RPE: variants seen among roughly 807,000 people sequenced by gnomAD.
RPE encodes the protein ribulose-5-phosphate-3-epimerase.
A neutral mutation model predicts 24.6 loss-of-function variants in RPE; 16 were observed. That is an observed-to-expected ratio of 0.65 (90% CI 0.44 to 0.99). The LOEUF (loss-of-function observed/expected upper bound fraction) is 0.99, where lower values mean the gene tolerates loss of function less well. Ranked by LOEUF, RPE falls within the 50% of genes least tolerant of loss-of-function variation. The pLI is 0.00. For synonymous variants in RPE, 93 were observed against 98.4 expected, an observed-to-expected ratio of 0.94 and a Z score of 0.33; for missense variants, 240 against 294.5, an observed-to-expected ratio of 0.81 and a Z score of 1.35.
chr2:210,006,445 A>G (rs1273055341), intron 1 of RPE, among the ~76,000 whole-genome samples: 2 of 152,140 alleles, frequency 1.3e-5, no homozygotes, highest in African/African-American at 4.8e-5. Context: ...TTCTTCCAAT[A>G]TACTTCGTGA....
In RPE at chr2:210,019,704, T is replaced by G. The variant is rs769614824; in HGVS notation, c.600T>G (p.Ile200Met). 1.4e-5 allele frequency: 23 copies of G among 1,613,456 alleles called. No homozygotes were observed. Among genetic ancestry groups the G allele is most frequent in the Non-Finnish European group, 1.7e-5 (20 of 1,179,486 alleles). ...ACATGATTGTGTCTGGCAGTGCTAT[T>G]ATGAGGAGTGAAGACCCCAGATCTG... ...GANMIVSGSA[I>M]MRSEDPRSVI... is the part of the protein sequence containing the mutation. Residue 200 changes from isoleucine (I) to methionine (M), a missense_variant, in exon 6 of 6, where the codon ATT becomes ATG. Coordinates refer to ENST00000359429, the MANE Select transcript of RPE (RefSeq NM_199229.3).
chr2:210,018,390 T>A (rs1361650663), intron 5 of RPE: 1 of 985,124 alleles, frequency 1.0e-6, no homozygotes, highest in Non-Finnish European at 1.2e-6. Context: ...TAAAAACTTT[T>A]TTTTACTTTT....
intron 1 of RPE, 126 bp downstream of exon 1, chr2:210,002,909 G>C (rs1413820147): frequency 6.4e-7 from 1 of 1,563,206 alleles, no homozygotes; most frequent in Non-Finnish European, 8.7e-7. Flanking sequence ...CGCGATGCTA[G>C]AAGGGGTGTG....
At chr2:210,007,910 A>G (rs978067532) in intron 1 of RPE, among the ~76,000 whole-genome samples, 5 of 152,102 alleles carry the variant, frequency 3.3e-5, no homozygotes, top group African/African-American at 1.2e-4. Flanking sequence ...TCCATTCTGT[A>G]AGGGCTTTGT....
intron 2 of RPE, 48 bp from the exon 3 acceptor site, chr2:210,015,925 T>C (rs534318851): frequency 6.3e-7 from 1 of 1,598,736 alleles, no homozygotes. Context: ...TCCAATAACA[T>C]GAGCCAGGTA....
chr2:210,008,866 T>C (rs2093665480), intron 1 of RPE, among the ~76,000 whole-genome samples: 1 of 152,012 alleles, frequency 6.6e-6, no homozygotes, highest in African/African-American at 2.4e-5. Flanking sequence ...CAGCTAATTT[T>C]TGTATTTTTA....
rs781573886 is a variant in RPE, at chr2:210,020,034, G to A, written c.*243G>A. 1 of 326,112 alleles carries A rather than the reference G, an allele frequency of 3.1e-6. No homozygotes were observed. Among genetic ancestry groups the A allele is most frequent in the Non-Finnish European group, 5.7e-6 (1 of 176,736 alleles). 20.2% of individuals were successfully genotyped at this position (326,112 alleles called of 1,614,324 possible). Reference sequence around the variant, plus strand: ...AGATACTGTTTTTATTGAGAGATTTGATTTTTATAAAGTAAAAATACGGCT... The same window carrying A: ...AGATACTGTTTTTATTGAGAGATTTAATTTTTATAAAGTAAAAATACGGCT... On this transcript the variant is annotated 3_prime_UTR_variant, in exon 6 of 6. Transcript: ENST00000359429.
chr2:210,013,627 T>C (rs1160485847), intron 2 of RPE, among the ~76,000 whole-genome samples: 1 of 152,186 alleles, frequency 6.6e-6, no homozygotes, highest in African/African-American at 2.4e-5. Context: ...TTAAAATGTC[T>C]TAGTTTGAAT....
intron 1 of RPE, among the ~76,000 whole-genome samples, chr2:210,007,258 T>C (rs557789359): frequency 6.6e-6 from 1 of 152,342 alleles, no homozygotes; most frequent in African/African-American, 2.4e-5. Flanking sequence ...TCATTCTACC[T>C]GTCATCTAAC....
rs751473781 is a variant in RPE, at chr2:210,003,489, G to A, written c.122+706G>A. ...TTTTTGTAAGTAATTTTTAAGCACC[G>A]TAGTTACAGCACATAATATTGTTTG... On this transcript the variant is annotated intron_variant, in intron 1 of 5. Coordinates refer to ENST00000359429, the MANE Select transcript of RPE (RefSeq NM_199229.3). 2.4e-6 allele frequency: 3 copies of A among 1,276,502 alleles called. No individual in the cohort carries two copies. The South Asian group carries it at 3.7e-5, about 16-fold the overall frequency. 79.1% of individuals were successfully genotyped at this position (1,276,502 alleles called of 1,614,324 possible). A position where few individuals can be genotyped will look rare whatever the true frequency, so the allele number is the denominator to read the frequency against.
chr2:210,002,951 A>G (rs1043377124), intron 1 of RPE, among the ~76,000 whole-genome samples, 168 bp downstream of exon 1: 2 of 152,152 alleles, frequency 1.3e-5, no homozygotes, highest in African/African-American at 4.8e-5. Flanking sequence ...TAGCAGGAGC[A>G]GAACCGACGC....
chr2:210,005,883 C>T (rs2093624548), intron 1 of RPE, among the ~76,000 whole-genome samples: 1 of 152,152 alleles, frequency 6.6e-6, no homozygotes, highest in Non-Finnish European at 1.5e-5. Flanking sequence ...AACTCTAATC[C>T]TCCTCTTACC....
intron 2 of RPE, among the ~76,000 whole-genome samples, chr2:210,011,181 T>A (rs1365375018): frequency 6.6e-6 from 1 of 152,210 alleles, no homozygotes; most frequent in East Asian, 1.9e-4. Context: ...ATATTCACCA[T>A]TTTGAAATTT....
At chr2:210,016,771 T>G in intron 4 of RPE, 130 bp downstream of exon 4, 1 of 1,222,880 alleles carries the variant, frequency 8.2e-7, no homozygotes, top group African/African-American at 1.5e-5. Flanking sequence ...TTACAGATCA[T>G]TCTAATACAG....
intron 5 of RPE, 52 bp downstream of exon 5, chr2:210,017,611 C>T (rs1432333242): frequency 6.6e-7 from 1 of 1,522,518 alleles, no homozygotes; most frequent in Non-Finnish European, 9.1e-7. Context: ...AAATATGTCT[C>T]CAGGACATTG....
chr2:210,004,868 G>C (rs142880557), intron 1 of RPE, among the ~76,000 whole-genome samples: 19 of 152,066 alleles, frequency 1.2e-4, no homozygotes, highest in South Asian at 2.1e-4. Flanking sequence ...ATGGATCAGA[G>C]TTTTGGGAAC....
At chr2:210,004,397 A>G (rs1339801086) in intron 1 of RPE, among the ~76,000 whole-genome samples, 1 of 152,216 alleles carries the variant, frequency 6.6e-6, no homozygotes, top group Non-Finnish European at 1.5e-5. Context: ...TATTACCACC[A>G]GCATTTGACA....
intron 1 of RPE, among the ~76,000 whole-genome samples, chr2:210,007,978 C>T (rs537392011): frequency 1.6e-4 from 25 of 152,300 alleles, no homozygotes; most frequent in African/African-American, 5.5e-4. Flanking sequence ...CTGAGCTCTG[C>T]AGTGACACAC....
chr2:210,009,750 A>G lies in RPE; in HGVS notation c.202+14A>G, dbSNP rs1270134728. The G allele has an allele frequency of 1.2e-6, 2 of 1,613,990 alleles. No homozygotes were observed. The highest frequency in any genetic ancestry group is 1.7e-6 in the Non-Finnish European group (2 of 1,179,982). On this transcript the variant is annotated intron_variant, in intron 2 of 5. Transcript: ENST00000359429. ...ACCCTTTCTTTGGTAAGTGGGTGTT[A>G]CGCCATCTGAAGCTGGATGTGTTGC... is the stretch of plus-strand genomic sequence containing the variant.
Sources: gnomAD v4.1 joint callset for allele counts (sites outside exome capture counted in the v4.1 genomes callset) on GRCh38, gnomAD v4.1.1 for gene constraint, MANE v1.5 for transcripts, NCBI Gene and HGNC (gene_info 2026-07-23, HGNC 2026-07-21) for gene names.